The following ATP8A2 variants were observed in gnomAD, a reference collection of about 807,000 sequenced individuals.
ATP8A2 encodes ATPase phospholipid transporting 8A2, also known as phospholipid-transporting ATPase IB.
ATP8A2 carries 100 observed loss-of-function variants against 165.6 expected under a neutral mutation model. The ratio of observed to expected loss-of-function variants is 0.60; its 90% CI spans 0.51 to 0.71. The LOEUF is 0.71. Ranked by LOEUF, ATP8A2 falls within the 30% of genes least tolerant of loss-of-function variation. The pLI is 0.00. For missense variants in ATP8A2, 1,227 were observed against 1,479.5 expected (o/e 0.83, Z 2.80); for synonymous variants, 543 against 548.8 (o/e 0.99, Z 0.15).
intron 25 of ATP8A2, among the ~76,000 whole-genome samples, chr13:25,702,252 C>G (rs561079053): frequency 6.6e-6 from 1 of 152,004 alleles, no homozygotes; most frequent in Non-Finnish European, 1.5e-5. Flanking sequence ...ATGTTCCTAT[C>G]AATATTGATT....
At position 25,501,037 on chromosome 13, in the gene ATP8A2, T is replaced by G. The variant is rs555144671; in HGVS notation, c.222-28962T>G. 2.0e-5 allele frequency among the ~76,000 whole-genome samples: 3 copies of G among 152,342 alleles called. No individual in the cohort carries two copies. The South Asian group carries it at 6.2e-4, about 32-fold the overall frequency. The stretch of plus-strand genomic sequence containing the variant: ...CTTCTTCAACCCATGTTTGTATTTC[T>G]TTGACATACTTGACTCCTACTCGAT... On this transcript the variant is annotated intron_variant, in intron 2 of 36. Transcript: ENST00000381655.
chr13:25,394,648 G>A (rs2033358534), intron 1 of ATP8A2, among the ~76,000 whole-genome samples: 1 of 152,166 alleles, frequency 6.6e-6, no homozygotes, highest in African/African-American at 2.4e-5. Context: ...CCTGAAATAT[G>A]CCTTTTGGAC....
chr13:25,934,034 C>G (rs1453229423), intron 33 of ATP8A2, among the ~76,000 whole-genome samples: 4 of 152,184 alleles, frequency 2.6e-5, no homozygotes, highest in Admixed American at 2.6e-4. Context: ...TCCAAATAAA[C>G]TCATATGCAA....
intron 1 of ATP8A2, among the ~76,000 whole-genome samples, chr13:25,401,896 G>T (rs1308557321): frequency 6.6e-6 from 1 of 151,910 alleles, no homozygotes; most frequent in African/African-American, 2.4e-5. Context: ...TCACTCTGTC[G>T]CCCAGGCTGG....
At chr13:25,612,104 T>C (rs1403416963) in intron 24 of ATP8A2, among the ~76,000 whole-genome samples, 1 of 152,166 alleles carries the variant, frequency 6.6e-6, no homozygotes, top group Non-Finnish European at 1.5e-5. Flanking sequence ...ATTTCATTTA[T>C]CTTTTGTATT....
At chr13:25,704,855 T>C (rs2137945503) in intron 25 of ATP8A2, among the ~76,000 whole-genome samples, 1 of 152,304 alleles carries the variant, frequency 6.6e-6, no homozygotes, top group East Asian at 1.9e-4. Flanking sequence ...AGATAGCATT[T>C]TATGTTCTAT....
chr13:25,730,441 A>G (rs566966643), intron 25 of ATP8A2, among the ~76,000 whole-genome samples: 63 of 152,252 alleles, frequency 4.1e-4, no homozygotes, highest in African/African-American at 1.4e-3. Flanking sequence ...TTTCTATTAC[A>G]CTGGTCCTGC....
intron 33 of ATP8A2, among the ~76,000 whole-genome samples, chr13:25,873,619 AT>A (rs1952739910): frequency 6.8e-6 from 1 of 146,398 alleles, no homozygotes; most frequent in South Asian, 2.2e-4. Flanking sequence ...AGGCTCTGTT[AT>A]TTTTACCCCC....
At chr13:25,800,765 T>A (rs1310550262) in intron 27 of ATP8A2, among the ~76,000 whole-genome samples, 2 of 59,956 alleles carry the variant, frequency 3.3e-5, no homozygotes, top group Non-Finnish European at 6.5e-5. Flanking sequence ...CACCCATGCC[T>A]GGAAAACCTA....
chr13:25,922,333 T>C (rs1954484268), intron 33 of ATP8A2, among the ~76,000 whole-genome samples: 1 of 152,246 alleles, frequency 6.6e-6, no homozygotes, highest in Non-Finnish European at 1.5e-5. Context: ...AATAAAAGGA[T>C]GCTTTTACAT....
intron 36 of ATP8A2, 102 bp from the exon 37 acceptor site, chr13:26,019,786 G>C (rs570488694): frequency 4.0e-6 from 3 of 741,180 alleles, no homozygotes; most frequent in Middle Eastern, 2.4e-4. Flanking sequence ...GCCAGATGTC[G>C]CACTCACCCG....
At chr13:25,925,166 A>T (rs1954563358) in intron 33 of ATP8A2, among the ~76,000 whole-genome samples, 1 of 152,092 alleles carries the variant, frequency 6.6e-6, no homozygotes, top group Admixed American at 6.5e-5. Flanking sequence ...CCCTGAAAAA[A>T]ATCCTCTCTC....
chr13:25,802,050 A>G (rs1020096226), intron 27 of ATP8A2, among the ~76,000 whole-genome samples: 1 of 152,220 alleles, frequency 6.6e-6, no homozygotes, highest in Non-Finnish European at 1.5e-5. Flanking sequence ...TATGGGAACT[A>G]CAATTCAAGA....
intron 25 of ATP8A2, chr13:25,705,287 A>G (rs2137948447): frequency 6.6e-6 from 2 of 301,110 alleles, no homozygotes; most frequent in East Asian, 2.4e-4. Context: ...AGAGTCATGA[A>G]AGAATCATCA....
chr13:25,623,250 G>T (rs1281016699), intron 24 of ATP8A2, among the ~76,000 whole-genome samples: 1 of 152,074 alleles, frequency 6.6e-6, no homozygotes, highest in Non-Finnish European at 1.5e-5. Context: ...TAAAAAACTA[G>T]CTGGGTATGG....
chr13:25,659,031 G>C lies in ATP8A2; in HGVS notation c.2212-40142G>C, dbSNP rs558882912. Among the ~76,000 whole-genome samples the C allele has an allele frequency of 2.0e-5, 3 of 152,286 alleles. No homozygotes were observed. The East Asian group carries it at 5.8e-4, about 29-fold the overall frequency. On this transcript the variant is annotated intron_variant, in intron 24 of 36. Transcript: ENST00000381655. ...TTAAAGGTAGCAGGGCCTATCATAG[G>C]AGGAAAGGAAGGTTGATGGTAAAAA...
intron 25 of ATP8A2, among the ~76,000 whole-genome samples, chr13:25,745,787 T>G (rs2044018284): frequency 6.6e-6 from 1 of 152,244 alleles, no homozygotes; most frequent in Non-Finnish European, 1.5e-5. Context: ...ATTCTTTAAG[T>G]AAGATTACTT....
chr13:25,704,550 G>A lies in ATP8A2; in HGVS notation c.2384+5205G>A, dbSNP rs143304047. On this transcript the variant is annotated intron_variant, in intron 25 of 36. Coordinates refer to ENST00000381655, the MANE Select transcript of ATP8A2 (RefSeq NM_016529.6). ...GGAGGCTTGCTATGTTGCCCAGGCT[G>A]CTCTCAAACTCCTGGCCTCAAGTTA... is the stretch of plus-strand genomic sequence containing the variant. 8.6e-3 allele frequency among the ~76,000 whole-genome samples: 1,315 copies of A among 152,134 alleles called. 24 individuals carry two copies. Among genetic ancestry groups the A allele is most frequent in the African/African-American group, 0.03 (1,233 of 41,492 alleles).
At chr13:25,641,942 TA>T (rs1400653509) in intron 24 of ATP8A2, among the ~76,000 whole-genome samples, 2 of 152,030 alleles carry the variant, frequency 1.3e-5, no homozygotes, top group African/African-American at 4.8e-5. Context: ...TGAGAAATAA[TA>T]CCACACCTCT....
Sources: allele counts gnomAD v4.1 joint callset (sites outside exome capture counted in the v4.1 genomes callset), GRCh38; gene constraint gnomAD v4.1.1; transcripts MANE v1.5; gene names NCBI Gene and HGNC (gene_info 2026-07-23, HGNC 2026-07-21).